The following TRAPPC9 variants were observed in gnomAD, a reference collection of about 807,000 sequenced individuals.
The protein encoded by TRAPPC9 is IKK2 binding protein.
A neutral mutation model predicts 124.0 loss-of-function variants in TRAPPC9; 83 were observed. That is an observed-to-expected ratio of 0.67 (90% CI 0.56 to 0.80). The LOEUF (loss-of-function observed/expected upper bound fraction) is 0.80, where lower values mean the gene tolerates loss of function less well. Among genes scored for constraint, TRAPPC9 ranks in the 30% least tolerant of loss-of-function variants. The probability of loss-of-function intolerance (pLI) is 0.00; values close to 1 mark genes in which losing one functional copy is unlikely to be tolerated. For missense variants in TRAPPC9, 1,302 were observed against 1,508.3 expected, an observed-to-expected ratio of 0.86 and a Z score of 2.27; for synonymous variants, 638 against 617.5, an observed-to-expected ratio of 1.03 and a Z score of -0.49.
chr8:140,320,252 C>G (rs2066557535), intron 9 of TRAPPC9, among the ~76,000 whole-genome samples: 2 of 152,156 alleles, frequency 1.3e-5, no homozygotes, highest in Admixed American at 1.3e-4. Flanking sequence ...TCTTTGGAGG[C>G]TTCCACTAAG....
intron 21 of TRAPPC9, among the ~76,000 whole-genome samples, chr8:139,822,628 G>GC (rs1383007527): frequency 2.0e-5 from 3 of 152,240 alleles, no homozygotes; most frequent in African/African-American, 7.2e-5. Context: ...GGATGGCGGG[G>GC]GGGGGCTGCC....
chr8:139,920,200 G>A (rs564485154), intron 19 of TRAPPC9, among the ~76,000 whole-genome samples: 1 of 152,220 alleles, frequency 6.6e-6, no homozygotes, highest in East Asian at 1.9e-4. Context: ...ACAAAAATTA[G>A]CCAGGCGTGG....
intron 21 of TRAPPC9, among the ~76,000 whole-genome samples, chr8:139,812,979 T>C (rs1824547572): frequency 6.6e-6 from 1 of 152,244 alleles, no homozygotes; most frequent in Non-Finnish European, 1.5e-5. Context: ...GCTCCACGCC[T>C]GGCCCTGACA....
Position 140,087,334 on chromosome 8 carries a change from C to T in TRAPPC9, c.2557-63255G>A, listed in dbSNP as rs941009780. On this transcript the variant is annotated intron_variant, in intron 17 of 22. Coordinates refer to ENST00000438773, the MANE Select transcript of TRAPPC9 (RefSeq NM_001160372.4). This position sits in a 1 kb window ranked among gnomAD's most constrained non-coding sequence, Gnocchi z 4.6. ...ATCTCTGCAACCCCCTCAGGAATGT[C>T]ATCCAGGCCCAGGATTTTAAACGCT... Among the ~76,000 whole-genome samples the T allele has an allele frequency of 1.1e-4, 17 of 152,112 alleles. No homozygotes were observed. Among genetic ancestry groups the T allele is most frequent in the African/African-American group, 3.9e-4 (16 of 41,416 alleles).
intron 9 of TRAPPC9, among the ~76,000 whole-genome samples, chr8:140,320,703 A>G (rs2066569084): frequency 6.6e-6 from 1 of 152,222 alleles, no homozygotes; most frequent in African/African-American, 2.4e-5. Flanking sequence ...ATTATTCTCC[A>G]TTAACAAATA....
At chr8:140,001,465 C>A (rs570090616) in intron 18 of TRAPPC9, among the ~76,000 whole-genome samples, 2 of 151,826 alleles carry the variant, frequency 1.3e-5, no homozygotes, top group Non-Finnish European at 2.9e-5. Flanking sequence ...TAATAAAGGG[C>A]AGAAATGAAT....
intron 18 of TRAPPC9, among the ~76,000 whole-genome samples, chr8:139,994,392 C>G (rs1467270324): frequency 6.6e-6 from 1 of 152,224 alleles, no homozygotes; most frequent in African/African-American, 2.4e-5. Context: ...GTCAAGCTTT[C>G]CCCCAGAGGG....
At chr8:140,304,851 G>A (rs561733857) in intron 10 of TRAPPC9, among the ~76,000 whole-genome samples, 28 of 152,292 alleles carry the variant, frequency 1.8e-4, no homozygotes, top group African/African-American at 6.5e-4. Context: ...GGGGGCTAAC[G>A]CAAGTCAGTC....
chr8:140,243,889 G>A (rs536649615), intron 16 of TRAPPC9, among the ~76,000 whole-genome samples: 7 of 152,372 alleles, frequency 4.6e-5, no homozygotes, highest in African/African-American at 1.4e-4. Context: ...GTTAGGAACT[G>A]AGCCGCACAG....
At chr8:139,831,583 A>G (rs528088843) in intron 21 of TRAPPC9, among the ~76,000 whole-genome samples, 2 of 152,146 alleles carry the variant, frequency 1.3e-5, no homozygotes, top group South Asian at 4.1e-4. Context: ...CTCCTACCCA[A>G]GCTCCCCACC....
At chr8:140,377,312 T>C (rs1275220342) in intron 7 of TRAPPC9, among the ~76,000 whole-genome samples, 2 of 152,236 alleles carry the variant, frequency 1.3e-5, no homozygotes, top group Non-Finnish European at 2.9e-5. Flanking sequence ...TCTTCTCTTT[T>C]TTTGAGACAG....
intron 21 of TRAPPC9, among the ~76,000 whole-genome samples, chr8:139,757,664 T>TC (rs1162183266): frequency 5.9e-5 from 9 of 151,304 alleles, no homozygotes; most frequent in Admixed American, 5.9e-4. Context: ...CTAGAGGGAG[T>TC]CCCCCCAGCC....
chr8:140,278,210 T>C (rs761378215), intron 14 of TRAPPC9, among the ~76,000 whole-genome samples: 2 of 152,272 alleles, frequency 1.3e-5, no homozygotes, highest in Non-Finnish European at 2.9e-5. Flanking sequence ...TTCAAGCGAT[T>C]CTCCTGCCTC....
chr8:140,402,091 G>A (rs1295203706), intron 6 of TRAPPC9, among the ~76,000 whole-genome samples: 3 of 152,140 alleles, frequency 2.0e-5, no homozygotes, highest in African/African-American at 7.2e-5. Context: ...GGGAGGTTAT[G>A]TGTAGTGGCT....
intron 19 of TRAPPC9, among the ~76,000 whole-genome samples, chr8:139,910,589 G>A (rs1831660119): frequency 6.6e-6 from 1 of 152,208 alleles, no homozygotes; most frequent in Non-Finnish European, 1.5e-5. Flanking sequence ...CAGCAAGGCA[G>A]GAAAGAACCA....
At chr8:139,792,698 C>A (rs1389367308) in intron 21 of TRAPPC9, among the ~76,000 whole-genome samples, 2 of 152,234 alleles carry the variant, frequency 1.3e-5, no homozygotes, top group Non-Finnish European at 2.9e-5. Flanking sequence ...GAAGCAGGAG[C>A]TCCGGGGCTG....
intron 17 of TRAPPC9, among the ~76,000 whole-genome samples, chr8:140,195,032 ACT>A (rs1398550340): frequency 6.6e-6 from 1 of 151,804 alleles, no homozygotes; most frequent in Non-Finnish European, 1.5e-5. Flanking sequence ...ACTAAAAGAC[ACT>A]CAATGATCCA....
intron 9 of TRAPPC9, 93 bp from the exon 10 acceptor site, chr8:140,311,467 G>A (rs2066297421): frequency 1.4e-6 from 2 of 1,459,878 alleles, no homozygotes; most frequent in East Asian, 4.6e-5. Context: ...TGACAGTCCA[G>A]TGAGTCCAAT....
chr8:140,256,457 T>C (rs1248478210), intron 15 of TRAPPC9, among the ~76,000 whole-genome samples: 1 of 152,162 alleles, frequency 6.6e-6, no homozygotes, highest in Non-Finnish European at 1.5e-5. Flanking sequence ...GTAACTGACT[T>C]TCTTCCTTCC....
Sources: gnomAD v4.1 joint callset for allele counts (sites outside exome capture counted in the v4.1 genomes callset) on GRCh38, gnomAD v4.1.1 for gene constraint, Gnocchi (gnomAD v3.1) non-coding constraint, MANE v1.5 for transcripts, NCBI Gene and HGNC (gene_info 2026-07-23, HGNC 2026-07-21) for gene names.